PIP4K2A: variants seen among roughly 807,000 people sequenced by gnomAD.
The protein encoded by PIP4K2A is phosphatidylinositol-5-phosphate 4-kinase type 2 alpha, also known as phosphatidylinositol 5-phosphate 4-kinase type-2 alpha.
A neutral mutation model predicts 42.9 loss-of-function variants in PIP4K2A; 14 were observed. The observed-to-expected ratio is 0.33, with a 90% CI of 0.22 to 0.51. The LOEUF (loss-of-function observed/expected upper bound fraction) is 0.51, where lower values mean the gene tolerates loss of function less well. Ranked by LOEUF, PIP4K2A falls within the 20% of genes least tolerant of loss-of-function variation. PIP4K2A has a pLI of 0.97. For synonymous variants in PIP4K2A, 192 were observed against 192.2 expected (o/e 1.00, Z 0.01); for missense variants, 434 against 519.8 (o/e 0.83, Z 1.61).
intron 8 of PIP4K2A, 27 bp from the exon 9 acceptor site, chr10:22,540,101 T>C (rs758757142): frequency 1.8e-6 from 2 of 1,099,182 alleles, no homozygotes; most frequent in Non-Finnish European, 2.7e-6. Flanking sequence ...GCAATGACTG[T>C]GGGACATGTG....
intron 1 of PIP4K2A, among the ~76,000 whole-genome samples, chr10:22,624,155 T>C (rs1180181491): frequency 3.9e-5 from 6 of 152,230 alleles, no homozygotes; most frequent in Non-Finnish European, 8.8e-5. Context: ...AGTACTACAC[T>C]ACAAATTCAG....
At chr10:22,653,547 G>C (rs891462694) in intron 1 of PIP4K2A, among the ~76,000 whole-genome samples, 6 of 152,218 alleles carry the variant, frequency 3.9e-5, no homozygotes, top group African/African-American at 1.4e-4. Flanking sequence ...GAGGCAGACA[G>C]AAGAAAGGAG....
intron 1 of PIP4K2A, among the ~76,000 whole-genome samples, chr10:22,650,615 T>A (rs1838974666): frequency 6.6e-6 from 1 of 152,218 alleles, no homozygotes; most frequent in South Asian, 2.1e-4. Flanking sequence ...CAATATATAC[T>A]CTCACTTAGG....
chr10:22,624,500 T>C (rs1217914972), intron 1 of PIP4K2A, among the ~76,000 whole-genome samples: 4 of 152,234 alleles, frequency 2.6e-5, no homozygotes, highest in Admixed American at 6.5e-5. Context: ...TTTGCTAACT[T>C]ATTTCCTGTA....
intron 6 of PIP4K2A, 45 bp from the exon 7 acceptor site, chr10:22,550,817 C>A: frequency 8.4e-7 from 1 of 1,186,468 alleles, no homozygotes. Flanking sequence ...TTGAAGAAAA[C>A]CTAAAAAAAC....
intron 5 of PIP4K2A, among the ~76,000 whole-genome samples, chr10:22,572,754 C>T (rs1161783116): frequency 1.3e-5 from 2 of 152,178 alleles, no homozygotes; most frequent in Non-Finnish European, 2.9e-5. Context: ...TCAGAATTTC[C>T]AGGGGCCCCC....
In PIP4K2A at chr10:22,617,846, T is replaced by C. The variant is rs147359728; in HGVS notation, c.145-8129A>G. Among the ~76,000 whole-genome samples, 1,385 of 152,166 alleles carry C rather than the reference T, an allele frequency of 9.1e-3. 11 individuals carry two copies. The highest frequency in any genetic ancestry group is 0.019 in the African/African-American group (792 of 41,508). On this transcript the variant is annotated intron_variant, in intron 1 of 9. Coordinates refer to ENST00000376573, the MANE Select transcript of PIP4K2A (RefSeq NM_005028.5). ...CTCCTCAAAAATCTCAAGACACAGA[T>C]TGAAAAAGGGCTCACTTTATCTCCC...
At chr10:22,705,425 TTAAAAAAAAAAAAAAAAA>T (rs1833801744) in intron 1 of PIP4K2A, among the ~76,000 whole-genome samples, 1 of 56,876 alleles carries the variant, frequency 1.8e-5, no homozygotes, top group African/African-American at 7.0e-5. Flanking sequence ...AGTACCCCAG[TTAAAAAAAAAAAAAAAAA>T]AAAAAAAAAA....
intron 1 of PIP4K2A, among the ~76,000 whole-genome samples, chr10:22,673,444 G>A (rs1778306): frequency 0.065 from 9,821 of 152,166 alleles, 481 homozygotes; most frequent in African/African-American, 0.13. Context: ...CAGGTGCTCT[G>A]GCCCTGGCCC....
intron 1 of PIP4K2A, among the ~76,000 whole-genome samples, chr10:22,683,123 A>C (rs1013045166): frequency 6.6e-6 from 1 of 152,168 alleles, no homozygotes; most frequent in Admixed American, 6.5e-5. Context: ...ATAAATAAAA[A>C]TGAAGAAACT....
At chr10:22,678,531 T>C (rs570304353) in intron 1 of PIP4K2A, among the ~76,000 whole-genome samples, 1 of 152,016 alleles carries the variant, frequency 6.6e-6, no homozygotes, top group Admixed American at 6.6e-5. Context: ...AATAAATAAA[T>C]AAAAATAAGC....
At chr10:22,586,567 G>C (rs1036021407) in intron 4 of PIP4K2A, among the ~76,000 whole-genome samples, 2 of 152,176 alleles carry the variant, frequency 1.3e-5, no homozygotes, top group Non-Finnish European at 1.5e-5. Context: ...GTCTCGTTCT[G>C]TTACCCAGGC....
chr10:22,710,930 T>C (rs539715143), intron 1 of PIP4K2A, among the ~76,000 whole-genome samples: 26 of 152,354 alleles, frequency 1.7e-4, no homozygotes, highest in African/African-American at 6.0e-4. Context: ...AGAGTATCTA[T>C]TTAAAACAAG....
chr10:22,713,963 G>A (rs1386007643), intron 1 of PIP4K2A: 4 of 423,054 alleles, frequency 9.5e-6, no homozygotes, highest in East Asian at 8.0e-5. Flanking sequence ...GACCCGCACC[G>A]GGCCATAGAT....
intron 1 of PIP4K2A, among the ~76,000 whole-genome samples, chr10:22,704,597 G>A (rs1374366091): frequency 7.0e-6 from 1 of 143,868 alleles, no homozygotes; most frequent in Non-Finnish European, 1.5e-5. Context: ...AGGCAGCAGT[G>A]AGCCATGATT....
intron 1 of PIP4K2A, among the ~76,000 whole-genome samples, chr10:22,614,828 T>C (rs529761572): frequency 5.3e-5 from 8 of 152,330 alleles, no homozygotes; most frequent in Admixed American, 2.0e-4. Flanking sequence ...CAAACTAAAA[T>C]ATATTGCTTG....
intron 1 of PIP4K2A, among the ~76,000 whole-genome samples, chr10:22,703,645 T>C (rs1413262663): frequency 6.6e-6 from 1 of 152,224 alleles, no homozygotes; most frequent in Non-Finnish European, 1.5e-5. Flanking sequence ...AAATGCAATG[T>C]AAAGCCTTTG....
intron 1 of PIP4K2A, among the ~76,000 whole-genome samples, chr10:22,646,663 T>C (rs1413111731): frequency 1.3e-5 from 2 of 152,150 alleles, no homozygotes; most frequent in African/African-American, 2.4e-5. Flanking sequence ...CAACCTGCGT[T>C]TGTAACTTGG....
chr10:22,698,213 T>C (rs1224868481), intron 1 of PIP4K2A, among the ~76,000 whole-genome samples: 1 of 152,168 alleles, frequency 6.6e-6, no homozygotes, highest in African/African-American at 2.4e-5. Context: ...TTGGTCAAAC[T>C]GCTGAAAATC....
Sources: gnomAD v4.1 joint callset for allele counts (sites outside exome capture counted in the v4.1 genomes callset) on GRCh38, gnomAD v4.1.1 for gene constraint, MANE v1.5 for transcripts, NCBI Gene and HGNC (gene_info 2026-07-23, HGNC 2026-07-21) for gene names.